The following ACACB variants were observed in gnomAD, a reference collection of about 807,000 sequenced individuals.
ACACB encodes the protein acetyl-CoA carboxylase beta.
ACACB carries 209 observed loss-of-function variants against 278.8 expected under a neutral mutation model. That is an observed-to-expected ratio of 0.75 (90% CI 0.67 to 0.84). ACACB has a LOEUF of 0.84. ACACB is among the 40% of genes least tolerant of loss of function. The probability of loss-of-function intolerance (pLI) is 0.00; values close to 1 mark genes in which losing one functional copy is unlikely to be tolerated. For missense variants in ACACB, 2,850 were observed against 3,269.0 expected (o/e 0.87, Z 3.13); for synonymous variants, 1,174 against 1,285.6 (o/e 0.91, Z 1.86).
At chr12:109,197,275 A>G in intron 17 of ACACB, 122 bp downstream of exon 17, 1 of 1,231,564 alleles carries the variant, frequency 8.1e-7, no homozygotes, top group East Asian at 2.9e-5. Context: ...CCTTTCTGGT[A>G]AATTCTGGGG....
chr12:109,227,445 C>T lies in ACACB; in HGVS notation c.3957C>T (p.Cys1319=), dbSNP rs200165207. The T allele has an allele frequency of 1.5e-4, 239 of 1,614,022 alleles. 1 individual carries two copies. The Middle Eastern group carries it at 2.0e-3, about 13-fold the overall frequency. The change falls in exon 28 of 53, where the codon TGC becomes TGT. Residue 1319 remains cysteine, a synonymous_variant. Coordinates refer to ENST00000338432, the MANE Select transcript of ACACB (RefSeq NM_001093.4). ...ACCGGCAGCTCCCGGACGGCACCTG[C>T]GTGGTAGAATTCCAGTTCATGCTGC... ...LQHRQLPDGT[C]VVEFQFMLPS...
chr12:109,189,462 A>C (rs549171460), intron 13 of ACACB, among the ~76,000 whole-genome samples: 2 of 152,278 alleles, frequency 1.3e-5, no homozygotes, highest in Middle Eastern at 6.8e-3. Flanking sequence ...CTACGAGTGG[A>C]CCAACCGCAA....
chr12:109,140,858 C>T (rs889672156), intron 2 of ACACB, among the ~76,000 whole-genome samples: 1 of 147,980 alleles, frequency 6.8e-6, no homozygotes, highest in Middle Eastern at 3.6e-3. Flanking sequence ...GCAGTTCTCT[C>T]TGCCTCCTGA....
intron 24 of ACACB, among the ~76,000 whole-genome samples, chr12:109,217,269 G>A (rs1305308837): frequency 6.6e-6 from 1 of 152,160 alleles, no homozygotes; most frequent in Non-Finnish European, 1.5e-5. Context: ...GCAACAGGGT[G>A]AGATTCTGTC....
chr12:109,184,624 C>T (rs2044590765), intron 11 of ACACB, among the ~76,000 whole-genome samples: 1 of 152,172 alleles, frequency 6.6e-6, no homozygotes, highest in East Asian at 1.9e-4. Flanking sequence ...GTGACACATT[C>T]CATTTTATTT....
At position 109,140,890 on chromosome 12, in the gene ACACB, C is replaced by CTTTTTTTTTT. The variant is rs386377714; in HGVS notation, c.653+847_653+856dup. 3.3e-4 allele frequency among the ~76,000 whole-genome samples: 29 copies of CTTTTTTTTTT among 86,754 alleles called. 2 individuals are homozygous for CTTTTTTTTTT. The highest frequency in any genetic ancestry group is 1.1e-3 in the South Asian group (2 of 1,894). 56.9% of individuals were successfully genotyped at this position (86,754 alleles called of 152,430 possible). ...CTGAAGAGACATTGATTCATTCATT[C>CTTTTTTTTTT]TTTTTTTTTTTTTTTTTTTTTTTTG... is the stretch of plus-strand genomic sequence containing the variant. On this transcript the variant is annotated intron_variant, in intron 2 of 52. Transcript: ENST00000338432.
chr12:109,119,792 G>A (rs1476471842), intron 1 of ACACB, among the ~76,000 whole-genome samples: 1 of 152,156 alleles, frequency 6.6e-6, no homozygotes, highest in Non-Finnish European at 1.5e-5. Context: ...CTACCTGGGA[G>A]GCTGAGGCAG....
At position 109,233,989 on chromosome 12, in the gene ACACB, G is replaced by C. The variant is rs749359243; in HGVS notation, c.4291G>C (p.Asp1431His). The C allele has an allele frequency of 6.2e-7, 1 of 1,614,020 alleles. No individual in the cohort carries two copies. Among genetic ancestry groups the C allele is most frequent in the African/African-American group, 1.3e-5 (1 of 74,938 alleles). Residue 1431 changes from aspartate to histidine, a missense_variant, in exon 31 of 53, where the codon GAC becomes CAC. Physicochemically the swap from Asp to His is moderately conservative, Grantham distance 81. This residue lies in a region of ACACB where 2,265 missense variants were observed against 2,561.3 expected (regional missense o/e 0.88). Transcript: ENST00000338432. Reference sequence around the variant, plus strand: ...TCTGAATGTGTCCATCCAGTGTGCAGACCACCTGGAGGATGAGGCACTGGT... The same window carrying C: ...TCTGAATGTGTCCATCCAGTGTGCACACCACCTGGAGGATGAGGCACTGGT... The part of the protein sequence containing the change: ...HILNVSIQCA[D>H]HLEDEALVPI...
intron 3 of ACACB, 118 bp downstream of exon 3, chr12:109,167,111 G>A: frequency 7.4e-7 from 1 of 1,342,880 alleles, no homozygotes. Flanking sequence ...GAGAGGGGGT[G>A]AGGGCCACGC....
At chr12:109,247,161 C>T (rs1328981741) in intron 39 of ACACB, among the ~76,000 whole-genome samples, 2 of 151,558 alleles carry the variant, frequency 1.3e-5, no homozygotes, top group East Asian at 1.9e-4. Context: ...GGGAAGCGCA[C>T]GCATTCTGTG....
intron 1 of ACACB, among the ~76,000 whole-genome samples, chr12:109,137,732 A>G (rs956003427): frequency 4.6e-5 from 7 of 151,846 alleles, no homozygotes; most frequent in Non-Finnish European, 8.8e-5. Flanking sequence ...TAATGCTTCT[A>G]GTATATAATT....
intron 5 of ACACB, 32 bp from the exon 6 acceptor site, chr12:109,172,243 A>G: frequency 6.2e-7 from 1 of 1,606,740 alleles, no homozygotes; most frequent in East Asian, 2.2e-5. Flanking sequence ...TCTTGAAGGA[A>G]GATTGTTGCT....
chr12:109,123,097 C>T (rs1017024571), intron 1 of ACACB, among the ~76,000 whole-genome samples: 2 of 151,212 alleles, frequency 1.3e-5, no homozygotes, highest in African/African-American at 4.9e-5. Flanking sequence ...AGGAGAATGG[C>T]ATGAACCCAG....
At chr12:109,138,666 G>A (rs2043028125) in intron 1 of ACACB, among the ~76,000 whole-genome samples, 1 of 152,014 alleles carries the variant, frequency 6.6e-6, no homozygotes, top group African/African-American at 2.4e-5. Flanking sequence ...AGAGCAACCT[G>A]GTCAACATGG....
rs1185365409 is a variant in ACACB at position 109,164,344 on chromosome 12, T to C, written c.654-2517T>C. Among the ~76,000 whole-genome samples, 4 of 151,816 alleles carry C rather than the reference T, an allele frequency of 2.6e-5. 1 individual carries two copies. The highest frequency in any genetic ancestry group is 9.7e-5 in the African/African-American group (4 of 41,414). On this transcript the variant is annotated intron_variant, in intron 2 of 52. Transcript: ENST00000338432. Reference sequence around the variant, plus strand: ...ATTCTCTGGGTTCAAGCAATTCTCCTGCCTCAGTCTCCCAAGTAGCTGGGA... The same window carrying C: ...ATTCTCTGGGTTCAAGCAATTCTCCCGCCTCAGTCTCCCAAGTAGCTGGGA...
chr12:109,159,404 C>T (rs1368307819), intron 2 of ACACB, among the ~76,000 whole-genome samples: 1 of 152,192 alleles, frequency 6.6e-6, no homozygotes, highest in Non-Finnish European at 1.5e-5. Context: ...CCAGCCTGGG[C>T]TCCTGTAATG....
chr12:109,209,104 T>A, intron 20 of ACACB, 61 bp from the exon 21 acceptor site: 1 of 1,508,942 alleles, frequency 6.6e-7, no homozygotes, highest in South Asian at 1.3e-5. Context: ...GTGCCCTGTT[T>A]GGGGCGGTGG....
At chr12:109,190,334 C>A (rs749165882) in intron 13 of ACACB, among the ~76,000 whole-genome samples, 4 of 152,146 alleles carry the variant, frequency 2.6e-5, no homozygotes, top group Non-Finnish European at 4.4e-5. Flanking sequence ...GTGATCCACC[C>A]GCCTTGGCCT....
Position 109,266,553 on chromosome 12 carries a change from A to G in ACACB, c.*191A>G, listed in dbSNP as rs1348686116. On this transcript the variant is annotated 3_prime_UTR_variant, in exon 53 of 53. Coordinates refer to ENST00000338432, the MANE Select transcript of ACACB (RefSeq NM_001093.4). Reference sequence around the variant, plus strand: ...CCAGGAGTGCCTCTTCCAAACAAAAACAGCCTCCTCTCCATAGCTGGGAAG... The same window carrying G: ...CCAGGAGTGCCTCTTCCAAACAAAAGCAGCCTCCTCTCCATAGCTGGGAAG... The G allele has an allele frequency of 5.5e-6, 3 of 542,104 alleles. No homozygotes were observed. Among genetic ancestry groups the G allele is most frequent in the Non-Finnish European group, 8.7e-6 (3 of 343,680 alleles). 33.6% of individuals were successfully genotyped at this position (542,104 alleles called of 1,614,324 possible).
Sources: allele counts gnomAD v4.1 joint callset (sites outside exome capture counted in the v4.1 genomes callset), GRCh38; gene constraint gnomAD v4.1.1; regional missense constraint gnomAD v4.1.1; transcripts MANE v1.5; gene names NCBI Gene and HGNC (gene_info 2026-07-23, HGNC 2026-07-21).